The following RERE variants were observed in gnomAD, a reference collection of about 807,000 sequenced individuals.
RERE encodes arginine-glutamic acid dipeptide repeats.
Under a neutral mutation model 146.1 loss-of-function variants are expected in RERE, and 40 were observed. The ratio of observed to expected loss-of-function variants is 0.27; its 90% CI spans 0.21 to 0.36. The LOEUF is 0.36. RERE is among the 10% of genes least tolerant of loss of function. The pLI is 1.00. For missense variants in RERE, 1,933 were observed against 2,138.7 expected (o/e 0.90, Z 1.90); for synonymous variants, 1,003 against 866.0 (o/e 1.16, Z -2.78).
At chr1:8,685,157 C>T (rs1639056734) in intron 1 of RERE, among the ~76,000 whole-genome samples, 2 of 152,114 alleles carry the variant, frequency 1.3e-5, no homozygotes, top group South Asian at 4.1e-4. Context: ...CACACCCAGC[C>T]CAAATTTGGA....
intron 1 of RERE, among the ~76,000 whole-genome samples, chr1:8,758,390 T>C (rs1323570096): frequency 6.9e-6 from 1 of 145,292 alleles, no homozygotes; most frequent in Non-Finnish European, 1.5e-5. Context: ...CCTCAATCTT[T>C]TTTTTTTTTT....
At chr1:8,490,053 C>CA (rs1252869517) in intron 10 of RERE, among the ~76,000 whole-genome samples, 2,316 of 71,032 alleles carry the variant, frequency 0.033, 36 homozygotes, top group African/African-American at 0.077. Flanking sequence ...GACTCTGTCT[C>CA]AAAAAAAAAA....
chr1:8,735,694 T>C (rs1640181004), intron 1 of RERE, among the ~76,000 whole-genome samples: 1 of 152,080 alleles, frequency 6.6e-6, no homozygotes. Flanking sequence ...TCATGAATGG[T>C]TTAGCACCAT....
chr1:8,793,873 G>A (rs1000475865), intron 1 of RERE, among the ~76,000 whole-genome samples: 17 of 151,932 alleles, frequency 1.1e-4, no homozygotes, highest in Non-Finnish European at 2.1e-4. Context: ...AGACCAGCCT[G>A]GCCAACATGG....
chr1:8,736,502 C>T (rs373587780), intron 1 of RERE, among the ~76,000 whole-genome samples: 2 of 152,092 alleles, frequency 1.3e-5, no homozygotes, highest in African/African-American at 4.8e-5. Context: ...CCACCGCGCC[C>T]GGCCTATACT....
At position 8,423,017 on chromosome 1, in the gene RERE, C is replaced by T; in HGVS notation, c.1204-210G>A. The T allele has an allele frequency of 1.9e-6, 1 of 538,642 alleles. No individual in the cohort carries two copies. Among genetic ancestry groups the T allele is most frequent in the African/African-American group, 1.9e-5 (1 of 52,958 alleles). 33.4% of individuals were successfully genotyped at this position (538,642 alleles called of 1,614,324 possible). A position where few individuals can be genotyped will look rare whatever the true frequency, so the allele number is the denominator to read the frequency against. ...TACCTTCATCAGAACCCCAATCCCA[C>T]CCACCACGCAGGGCAGCGCGTTTAA... On this transcript the variant is annotated intron_variant, in intron 11 of 22. Coordinates refer to ENST00000400908, the MANE Select transcript of RERE (RefSeq NM_001042681.2). The surrounding 1 kb of genome is among the most constrained non-coding windows in gnomAD (Gnocchi z 5.4).
At chr1:8,663,937 G>A (rs1198016300) in intron 1 of RERE, among the ~76,000 whole-genome samples, 1 of 151,982 alleles carries the variant, frequency 6.6e-6, no homozygotes, top group Non-Finnish European at 1.5e-5. Flanking sequence ...CAGTGTTTCT[G>A]CTCTCCAATT....
chr1:8,398,550 A>C (rs1643137298), intron 12 of RERE, among the ~76,000 whole-genome samples: 1 of 152,228 alleles, frequency 6.6e-6, no homozygotes, highest in South Asian at 2.1e-4. Context: ...AGTGCTTCTA[A>C]CATCTGTTAT....
At chr1:8,358,096 C>T in intron 20 of RERE, 100 bp downstream of exon 20, 1 of 1,504,614 alleles carries the variant, frequency 6.6e-7, no homozygotes, top group Non-Finnish European at 8.9e-7. Context: ...GGGATCTGTT[C>T]AGAAAAGAAC....
chr1:8,677,458 A>G (rs1638869197), intron 1 of RERE, among the ~76,000 whole-genome samples: 4 of 151,852 alleles, frequency 2.6e-5, no homozygotes, highest in South Asian at 4.2e-4. Context: ...AGAAAAGAAA[A>G]AAAAAAAAAA....
chr1:8,355,661 G>C, intron 21 of RERE, 62 bp from the exon 22 acceptor site: 1 of 1,402,980 alleles, frequency 7.1e-7, no homozygotes, highest in Non-Finnish European at 9.6e-7. Flanking sequence ...AGACCAGGGC[G>C]GCACAGGCAC....
intron 1 of RERE, among the ~76,000 whole-genome samples, chr1:8,698,703 G>C (rs1169169238): frequency 2.0e-5 from 3 of 151,646 alleles, no homozygotes; most frequent in Non-Finnish European, 4.4e-5. Context: ...ATAGAGACAG[G>C]GTCTCGCTAT....
chr1:8,425,042 G>C (rs1643990710), intron 11 of RERE: 1 of 152,360 alleles, frequency 6.6e-6, no homozygotes, highest in African/African-American at 2.4e-5. Context: ...GCTGAAGCTG[G>C]AGCTTTCCAT....
At chr1:8,727,438 G>C (rs1303621070) in intron 1 of RERE, among the ~76,000 whole-genome samples, 1 of 152,240 alleles carries the variant, frequency 6.6e-6, no homozygotes, top group African/African-American at 2.4e-5. Context: ...CACCGCATCT[G>C]GCTAGTAGTC....
chr1:8,501,483 A>G (rs1310643898), intron 8 of RERE, among the ~76,000 whole-genome samples: 34 of 92,172 alleles, frequency 3.7e-4, no homozygotes, highest in African/African-American at 1.7e-3. Flanking sequence ...CTGCCCGGCC[A>G]GCCGCCCCGT....
intron 1 of RERE, among the ~76,000 whole-genome samples, chr1:8,705,913 G>C (rs372300662): frequency 6.6e-6 from 1 of 152,022 alleles, no homozygotes; most frequent in Non-Finnish European, 1.5e-5. Context: ...TCAGGAGATC[G>C]AGACCATCCT....
At chr1:8,768,952 G>A (rs74050286) in intron 1 of RERE, among the ~76,000 whole-genome samples, 3,964 of 152,202 alleles carry the variant, frequency 0.026, 161 homozygotes, top group African/African-American at 0.09. Flanking sequence ...GCCAGAGGTC[G>A]GCAAACGGTG....
chr1:8,487,415 C>CA (rs1644916701), intron 10 of RERE, among the ~76,000 whole-genome samples: 2 of 152,024 alleles, frequency 1.3e-5, no homozygotes, highest in South Asian at 4.1e-4. Context: ...CCCGTCACTA[C>CA]AAAAAATTTT....
chr1:8,607,620 A>C lies in RERE; in HGVS notation c.522+6941T>G, dbSNP rs948918159. On this transcript the variant is annotated intron_variant, in intron 4 of 22. Coordinates refer to ENST00000400908, the MANE Select transcript of RERE (RefSeq NM_001042681.2). ...CAGTGCAGTGGTGTGATCTTGGCTC[A>C]CTGTAACCTTGAACTTCTGAGTTCA... 1.0e-4 allele frequency among the ~76,000 whole-genome samples: 13 copies of C among 125,836 alleles called. No individual in the cohort carries two copies. In the South Asian group the frequency reaches 3.3e-3, roughly 31 times the overall value. 82.6% of individuals were successfully genotyped at this position (125,836 alleles called of 152,430 possible). A position where few individuals can be genotyped will look rare whatever the true frequency, so the allele number is the denominator to read the frequency against.
Sources: allele counts gnomAD v4.1 joint callset (sites outside exome capture counted in the v4.1 genomes callset), GRCh38; gene constraint gnomAD v4.1.1; non-coding constraint Gnocchi (gnomAD v3.1); transcripts MANE v1.5; gene names NCBI Gene and HGNC (gene_info 2026-07-23, HGNC 2026-07-21).